Variants in PTPRM observed in about 807,000 individuals in gnomAD.
The protein encoded by PTPRM is receptor-type tyrosine-protein phosphatase mu.
In PTPRM, 47 loss-of-function variants were observed where a neutral mutation model predicts 186.7. The observed-to-expected ratio is 0.25, with a 90% confidence interval of 0.20 to 0.32. PTPRM has a LOEUF of 0.32. PTPRM is among the 10% of genes least tolerant of loss of function. The pLI, the probability that PTPRM is intolerant of heterozygous loss-of-function variation, is 1.00. For synonymous variants in PTPRM, 668 were observed against 674.9 expected, an observed-to-expected ratio of 0.99 and a Z score of 0.16; for missense variants, 1,494 against 1,865.0, an observed-to-expected ratio of 0.80 and a Z score of 3.66.
At chr18:7,750,064 AG>A (rs2041139192) in intron 1 of PTPRM, among the ~76,000 whole-genome samples, 1 of 152,222 alleles carries the variant, frequency 6.6e-6, no homozygotes, top group Non-Finnish European at 1.5e-5. Context: ...CTACTTGATA[AG>A]GGTTTCCATA....
At chr18:8,180,911 C>T (rs2093563969) in intron 14 of PTPRM, among the ~76,000 whole-genome samples, 2 of 152,138 alleles carry the variant, frequency 1.3e-5, no homozygotes, top group South Asian at 2.1e-4. Context: ...TGACCATCAC[C>T]TGATGGTCGA....
chr18:8,106,956 G>A (rs768936078), intron 11 of PTPRM, among the ~76,000 whole-genome samples: 3 of 152,072 alleles, frequency 2.0e-5, no homozygotes, highest in Admixed American at 6.6e-5. Context: ...GGAACTTTTC[G>A]GGACTGAAAG....
intron 31 of PTPRM, among the ~76,000 whole-genome samples, chr18:8,390,753 C>G (rs960626571): frequency 2.6e-5 from 4 of 151,914 alleles, no homozygotes; most frequent in Non-Finnish European, 4.4e-5. Context: ...ACGGTGAAAC[C>G]CCGTCTCTAC....
intron 22 of PTPRM, among the ~76,000 whole-genome samples, chr18:8,339,178 T>G (rs1451688902): frequency 6.6e-6 from 1 of 151,044 alleles, no homozygotes; most frequent in African/African-American, 2.4e-5. Context: ...TGTTTTTTAT[T>G]GAAAAAAAAA....
chr18:7,574,994 T>G (rs989324517), intron 1 of PTPRM, among the ~76,000 whole-genome samples: 1 of 152,194 alleles, frequency 6.6e-6, no homozygotes, highest in African/African-American at 2.4e-5. Flanking sequence ...ATCGCGCCAC[T>G]GCACTCCAGT....
intron 32 of PTPRM, among the ~76,000 whole-genome samples, chr18:8,400,948 A>G (rs79430781): frequency 0.021 from 3,242 of 152,066 alleles, 117 homozygotes; most frequent in African/African-American, 0.073. Context: ...AGGGTCCCCA[A>G]TCCACACTCC....
At chr18:7,679,797 A>G (rs912776647) in intron 1 of PTPRM, among the ~76,000 whole-genome samples, 22 of 152,200 alleles carry the variant, frequency 1.4e-4, no homozygotes, top group African/African-American at 5.3e-4. Flanking sequence ...GTCTAAAACA[A>G]TAGGAAGACT....
intron 1 of PTPRM, among the ~76,000 whole-genome samples, chr18:7,670,439 A>G (rs571284818): frequency 1.1e-3 from 163 of 152,346 alleles, no homozygotes; most frequent in African/African-American, 3.9e-3. Context: ...GCTTGATGTT[A>G]TGAAGTCAGA....
chr18:8,189,934 G>T (rs972877322), intron 14 of PTPRM, among the ~76,000 whole-genome samples: 7 of 152,146 alleles, frequency 4.6e-5, no homozygotes, highest in Non-Finnish European at 1.0e-4. Flanking sequence ...TTAAAATAAT[G>T]CTATATGTTA....
At chr18:7,597,300 G>A (rs886686138) in intron 1 of PTPRM, among the ~76,000 whole-genome samples, 1 of 152,238 alleles carries the variant, frequency 6.6e-6, no homozygotes, top group Admixed American at 6.5e-5. Flanking sequence ...GAGGTGTGAA[G>A]TGGGGCTGGT....
chr18:8,265,639 C>T (rs1343433280), intron 19 of PTPRM, among the ~76,000 whole-genome samples: 2 of 152,130 alleles, frequency 1.3e-5, no homozygotes, highest in South Asian at 2.1e-4. Context: ...TTAAATGATA[C>T]AAAAAATAAC....
chr18:7,934,479 G>T (rs143609953), intron 5 of PTPRM, among the ~76,000 whole-genome samples: 1 of 152,286 alleles, frequency 6.6e-6, no homozygotes, highest in East Asian at 1.9e-4. Flanking sequence ...GAAACCTTGA[G>T]ATTTTTATAA....
chr18:7,716,892 G>T (rs965447782), intron 1 of PTPRM, among the ~76,000 whole-genome samples: 2 of 152,162 alleles, frequency 1.3e-5, no homozygotes, highest in Admixed American at 6.5e-5. Context: ...GTGTAAATTA[G>T]TTCCCCCATT....
intron 2 of PTPRM, among the ~76,000 whole-genome samples, chr18:7,887,554 T>TGCACAGCCCACCCA (rs2048850433): frequency 6.6e-6 from 1 of 152,138 alleles, no homozygotes; most frequent in Admixed American, 6.5e-5. Flanking sequence ...GACCCTAAGA[T>TGCACAGCCCACCCA]GCACAGCCCA....
intron 26 of PTPRM, 150 bp from the exon 27 acceptor site, chr18:8,378,115 C>A: frequency 1.4e-6 from 1 of 730,740 alleles, no homozygotes; most frequent in East Asian, 2.7e-5. Context: ...GGCATTGCAC[C>A]CCAGTCTCCT....
intron 11 of PTPRM, among the ~76,000 whole-genome samples, chr18:8,103,355 G>A (rs985096987): frequency 2.6e-5 from 4 of 152,214 alleles, no homozygotes; most frequent in African/African-American, 4.8e-5. Context: ...GTGGTTTAGT[G>A]TTGTCACCCT....
chr18:8,375,104 GA>G (rs760318868), intron 24 of PTPRM, among the ~76,000 whole-genome samples: 1 of 152,138 alleles, frequency 6.6e-6, no homozygotes, highest in Non-Finnish European at 1.5e-5. Context: ...CTTATACTTA[GA>G]AAACAAAATT....
intron 1 of PTPRM, among the ~76,000 whole-genome samples, chr18:7,701,232 A>C (rs2039958818): frequency 6.7e-6 from 1 of 149,984 alleles, no homozygotes; most frequent in Non-Finnish European, 1.5e-5. Context: ...TGAATTCAGA[A>C]GGTGGAGGTA....
At chr18:7,571,502 T>G (rs371428327) in intron 1 of PTPRM, among the ~76,000 whole-genome samples, 43 of 152,314 alleles carry the variant, frequency 2.8e-4, no homozygotes, top group African/African-American at 1.0e-3. Context: ...TATAATACAA[T>G]GAAGTGTTTA....
Sources: allele counts gnomAD v4.1 joint callset (sites outside exome capture counted in the v4.1 genomes callset), GRCh38; gene constraint gnomAD v4.1.1; transcripts MANE v1.5; gene names NCBI Gene and HGNC (gene_info 2026-07-23, HGNC 2026-07-21).